The following TBC1D5 variants were observed in gnomAD, a reference collection of about 807,000 sequenced individuals.
TBC1D5 encodes TBC1 domain family, member 5.
TBC1D5 carries 75 observed loss-of-function variants against 100.3 expected under a neutral mutation model. That is an observed-to-expected ratio of 0.75 (90% confidence interval 0.62 to 0.91). TBC1D5 has a LOEUF of 0.91. Among genes scored for constraint, TBC1D5 ranks in the 40% least tolerant of loss-of-function variants. The pLI is 0.00. For missense variants in TBC1D5, 910 were observed against 942.4 expected (o/e 0.97, Z 0.45); for synonymous variants, 323 against 325.6 (o/e 0.99, Z 0.09).
At chr3:17,473,190 G>C (rs982549313) in intron 3 of TBC1D5, among the ~76,000 whole-genome samples, 1 of 152,108 alleles carries the variant, frequency 6.6e-6, no homozygotes, top group African/African-American at 2.4e-5. Context: ...AGGATCACAG[G>C]ACTTGAGCCC....
At chr3:17,695,566 C>A (rs370723028) in intron 1 of TBC1D5, among the ~76,000 whole-genome samples, 1 of 152,170 alleles carries the variant, frequency 6.6e-6, no homozygotes, top group Non-Finnish European at 1.5e-5. Flanking sequence ...AATATATATA[C>A]ACCCAATACA....
intron 3 of TBC1D5, among the ~76,000 whole-genome samples, chr3:17,430,952 A>G: frequency 6.6e-6 from 1 of 151,922 alleles, no homozygotes; most frequent in South Asian, 2.1e-4. Flanking sequence ...TTTTTCATTT[A>G]AGCTATAATA....
intron 2 of TBC1D5, among the ~76,000 whole-genome samples, chr3:17,602,314 T>C (rs1029908750): frequency 2.6e-5 from 4 of 152,168 alleles, no homozygotes; most frequent in Non-Finnish European, 4.4e-5. Flanking sequence ...TCTATACCCA[T>C]GCGCTCATAA....
intron 16 of TBC1D5, among the ~76,000 whole-genome samples, chr3:17,245,280 A>T (rs542368098): frequency 1.4e-4 from 21 of 152,330 alleles, no homozygotes; most frequent in Admixed American, 5.2e-4. Context: ...TCAGTGTTTC[A>T]AATTTACTTC....
At chr3:17,560,445 C>A (rs1163600463) in intron 2 of TBC1D5, among the ~76,000 whole-genome samples, 2 of 151,832 alleles carry the variant, frequency 1.3e-5, no homozygotes, top group Admixed American at 1.3e-4. Flanking sequence ...AAGTGAGACA[C>A]CCTGTCTCTA....
At chr3:17,541,972 C>T (rs559442330) in intron 2 of TBC1D5, among the ~76,000 whole-genome samples, 6 of 152,170 alleles carry the variant, frequency 3.9e-5, no homozygotes, top group East Asian at 1.9e-4. Flanking sequence ...TCAGAGATTA[C>T]GAACAAAAAT....
At chr3:17,340,013 T>C (rs946680061) in intron 13 of TBC1D5, among the ~76,000 whole-genome samples, 1 of 152,170 alleles carries the variant, frequency 6.6e-6, no homozygotes, top group Non-Finnish European at 1.5e-5. Flanking sequence ...AGCTTTGATA[T>C]AGTTGCTAGC....
At chr3:17,314,110 C>T (rs1012655671) in intron 13 of TBC1D5, among the ~76,000 whole-genome samples, 46 of 152,296 alleles carry the variant, frequency 3.0e-4, no homozygotes, top group Admixed American at 2.6e-4. Flanking sequence ...CTCCCACTTA[C>T]ATTTTCCAGA....
Position 17,323,662 on chromosome 3 carries a change from T to TA in TBC1D5, c.996-15529dup, listed in dbSNP as rs552697157. Among the ~76,000 whole-genome samples the TA allele has an allele frequency of 3.0e-3, 457 of 151,036 alleles. 1 individual carries two copies. Among genetic ancestry groups the TA allele is most frequent in the Middle Eastern group, 0.014 (4 of 292 alleles). On this transcript the variant is annotated intron_variant, in intron 13 of 21. Transcript: ENST00000253692. ...TGTAATAGCTGTGTGCTGAAAACTATAAAAAAAAAGATAATCACAAAGCCC... is the reference window on the plus strand; with the variant it reads ...TGTAATAGCTGTGTGCTGAAAACTATAAAAAAAAAAGATAATCACAAAGCCC...
chr3:17,563,650 A>G (rs1301309894), intron 2 of TBC1D5, among the ~76,000 whole-genome samples: 4 of 152,236 alleles, frequency 2.6e-5, no homozygotes, highest in African/African-American at 9.6e-5. Flanking sequence ...AAAATTTTAA[A>G]AAGGAAATGA....
At chr3:17,438,416 T>C (rs896227995) in intron 3 of TBC1D5, among the ~76,000 whole-genome samples, 2 of 152,172 alleles carry the variant, frequency 1.3e-5, no homozygotes, top group Admixed American at 1.3e-4. Context: ...CAGGTGGAGA[T>C]TACTGAATCA....
chr3:17,466,871 T>G (rs2095309542), intron 3 of TBC1D5, among the ~76,000 whole-genome samples: 1 of 152,114 alleles, frequency 6.6e-6, no homozygotes, highest in Non-Finnish European at 1.5e-5. Context: ...AAATCAGGAT[T>G]GGAAACTTTA....
intron 5 of TBC1D5, 145 bp from the exon 6 acceptor site, chr3:17,405,106 C>A: frequency 4.5e-6 from 2 of 448,214 alleles, no homozygotes; most frequent in East Asian, 6.8e-5. Context: ...CTACCAATTT[C>A]TGTTTGGAGA....
At chr3:17,336,309 T>C (rs1355356892) in intron 13 of TBC1D5, among the ~76,000 whole-genome samples, 1 of 152,104 alleles carries the variant, frequency 6.6e-6, no homozygotes, top group Non-Finnish European at 1.5e-5. Flanking sequence ...GAAAGCTGCA[T>C]GTTTCTCCAT....
chr3:17,481,460 A>G (rs2095501108), intron 3 of TBC1D5, among the ~76,000 whole-genome samples: 1 of 152,208 alleles, frequency 6.6e-6, no homozygotes, highest in Non-Finnish European at 1.5e-5. Context: ...CACCCCAAGT[A>G]GCCCATGACA....
intron 1 of TBC1D5, among the ~76,000 whole-genome samples, chr3:17,672,034 T>C (rs557359072): frequency 1.3e-5 from 2 of 152,338 alleles, no homozygotes; most frequent in East Asian, 1.9e-4. Context: ...TTCGGCATTC[T>C]ATAAGCCAGC....
intron 17 of TBC1D5, 102 bp from the exon 18 acceptor site, chr3:17,233,852 A>G (rs2075640270): frequency 3.1e-6 from 2 of 640,636 alleles, no homozygotes. Context: ...CAAATTACTA[A>G]AAATATAGTA....
intron 1 of TBC1D5, among the ~76,000 whole-genome samples, chr3:17,675,796 T>C (rs928852804): frequency 1.3e-5 from 2 of 152,286 alleles, no homozygotes; most frequent in Admixed American, 6.5e-5. Context: ...TCTGTGGATA[T>C]GACATGCTTT....
intron 1 of TBC1D5, among the ~76,000 whole-genome samples, chr3:17,733,741 C>T (rs988611111): frequency 2.1e-4 from 32 of 151,774 alleles, no homozygotes; most frequent in Non-Finnish European, 2.5e-4. Context: ...GCACAACTTC[C>T]GTAAGTCAAA....
Sources: allele counts gnomAD v4.1 joint callset (sites outside exome capture counted in the v4.1 genomes callset), GRCh38; gene constraint gnomAD v4.1.1; transcripts MANE v1.5; gene names NCBI Gene and HGNC (gene_info 2026-07-23, HGNC 2026-07-21).